Variants in ZFHX3 observed in about 807,000 individuals in gnomAD.
The protein encoded by ZFHX3 is zinc finger homeobox 3.
Under a neutral mutation model 279.1 loss-of-function variants are expected in ZFHX3, and 42 were observed. That is an observed-to-expected ratio of 0.15 (90% CI 0.12 to 0.19). The LOEUF is 0.19. Among genes scored for constraint, ZFHX3 ranks in the 10% least tolerant of loss-of-function variants. ZFHX3 has a pLI of 1.00. For synonymous variants in ZFHX3, 2,293 were observed against 1,957.8 expected (o/e 1.17, Z -4.52); for missense variants, 4,981 against 4,754.0 (o/e 1.05, Z -1.40).
rs191971223 is a variant in ZFHX3, at chr16:73,628,736, T to A, written c.-1547+51444A>T. Among the ~76,000 whole-genome samples, 212 of 152,338 alleles carry A rather than the reference T, an allele frequency of 1.4e-3. 2 individuals carry two copies. Among genetic ancestry groups the A allele is most frequent in the African/African-American group, 4.6e-3 (190 of 41,576 alleles). The stretch of plus-strand genomic sequence containing the variant: ...CCCCTATTTCTTTCCATTGCGTTTA[T>A]GTTCCTTAAATAATCTAAAATATAA... On this transcript the variant is annotated intron_variant, in intron 2 of 17. Transcript: ENST00000641206.
chr16:72,965,311 C>T (rs375784698), intron 1 of ZFHX3, among the ~76,000 whole-genome samples: 8 of 152,158 alleles, frequency 5.3e-5, no homozygotes, highest in East Asian at 3.8e-4. Flanking sequence ...TGCAAAAGAA[C>T]GCTGGCATCT....
At chr16:73,197,474 G>A (rs1282011967) in intron 5 of ZFHX3, among the ~76,000 whole-genome samples, 2 of 152,316 alleles carry the variant, frequency 1.3e-5, no homozygotes, top group South Asian at 4.1e-4. Context: ...TGTAGCAAAT[G>A]ATGAGTAAAC....
intron 1 of ZFHX3, among the ~76,000 whole-genome samples, chr16:72,994,283 A>G (rs1963198895): frequency 6.6e-6 from 1 of 152,226 alleles, no homozygotes; most frequent in African/African-American, 2.4e-5. Flanking sequence ...TGAATATTTA[A>G]GACTCAGCAT....
chr16:73,877,518 A>G (rs2029991392), intron 1 of ZFHX3, among the ~76,000 whole-genome samples: 1 of 152,194 alleles, frequency 6.6e-6, no homozygotes, highest in South Asian at 2.1e-4. Flanking sequence ...AAGCCAGTTG[A>G]TACAGATGAA....
At chr16:72,986,914 G>A (rs1280966781) in intron 1 of ZFHX3, among the ~76,000 whole-genome samples, 2 of 152,172 alleles carry the variant, frequency 1.3e-5, no homozygotes, top group African/African-American at 4.8e-5. Context: ...TGGAGGCCGA[G>A]TCAGACAGAC....
At chr16:72,846,824 G>T (rs1257018146) in intron 4 of ZFHX3, among the ~76,000 whole-genome samples, 2 of 152,200 alleles carry the variant, frequency 1.3e-5, no homozygotes. Flanking sequence ...GCAGGGGTGG[G>T]GGTAGAGCTG....
chr16:73,220,426 A>G (rs1392815461), intron 5 of ZFHX3, among the ~76,000 whole-genome samples: 1 of 152,154 alleles, frequency 6.6e-6, no homozygotes, highest in African/African-American at 2.4e-5. Context: ...TGAAATGTAA[A>G]CCAATTAAAA....
chr16:73,711,339 C>A (rs565642868), intron 1 of ZFHX3, among the ~76,000 whole-genome samples: 1 of 152,104 alleles, frequency 6.6e-6, no homozygotes, highest in Non-Finnish European at 1.5e-5. Flanking sequence ...AAAAAGAAGT[C>A]AGGATTTAAT....
Position 72,797,288 on chromosome 16 carries a change from G to A in ZFHX3, c.5394C>T (p.Phe1798=), listed in dbSNP as rs764146943. Residue 1798 remains phenylalanine (F), a synonymous_variant, in exon 9 of 10, where the codon TTC becomes TTT. Coordinates refer to ENST00000268489, the MANE Select transcript of ZFHX3 (RefSeq NM_006885.4). ...LQLQQQQHLL[F]PFYIPSAEFQ... ...ACTCAGCACTGGGGATGTAGAAAGG[G>A]AAGAGGAGGTGCTGCTGCTGCTGTA... The A allele has an allele frequency of 6.2e-7, 1 of 1,609,476 alleles. No homozygotes were observed. The highest frequency in any genetic ancestry group is 8.5e-7 in the Non-Finnish European group (1 of 1,177,182).
At chr16:73,715,668 G>A (rs1256156478) in intron 1 of ZFHX3, among the ~76,000 whole-genome samples, 1 of 150,446 alleles carries the variant, frequency 6.6e-6, no homozygotes, top group African/African-American at 2.5e-5. Context: ...TGCCTCCAGG[G>A]TTCAAGCAAT....
chr16:73,864,031 G>A (rs188404282), intron 1 of ZFHX3, among the ~76,000 whole-genome samples: 18 of 152,278 alleles, frequency 1.2e-4, no homozygotes, highest in Non-Finnish European at 2.1e-4. Context: ...GGCTTTTTAA[G>A]TTATCTCACC....
At chr16:73,701,895 TTAAG>T (rs1317912583) in intron 1 of ZFHX3, among the ~76,000 whole-genome samples, 2 of 151,988 alleles carry the variant, frequency 1.3e-5, no homozygotes, top group African/African-American at 2.4e-5. Context: ...AGAAGAAATC[TTAAG>T]TATGTGGGCG....
chr16:72,991,398 C>G (rs1364430716), intron 1 of ZFHX3, among the ~76,000 whole-genome samples: 1 of 152,146 alleles, frequency 6.6e-6, no homozygotes, highest in Admixed American at 6.5e-5. Context: ...GGACTGCTGT[C>G]GTGGCTAGGA....
chr16:72,991,675 G>C (rs1039082609), intron 1 of ZFHX3, among the ~76,000 whole-genome samples: 1 of 152,140 alleles, frequency 6.6e-6, no homozygotes, highest in Non-Finnish European at 1.5e-5. Flanking sequence ...ATCCAACAAA[G>C]GCCGTATTCT....
At chr16:73,188,357 G>A (rs1967960610) in intron 5 of ZFHX3, among the ~76,000 whole-genome samples, 1 of 152,106 alleles carries the variant, frequency 6.6e-6, no homozygotes, top group Admixed American at 6.5e-5. Flanking sequence ...ACCAGGCCTA[G>A]CCCTTAAAAG....
upstream of ZFHX3, chr16:73,061,791 A>G (rs117741886): frequency 1.3e-5 from 2 of 152,234 alleles, no homozygotes; most frequent in East Asian, 3.9e-4. Flanking sequence ...CTATGTATTT[A>G]TTTTCTTTTA....
At chr16:73,041,346 T>C (rs562039154) in intron 1 of ZFHX3, among the ~76,000 whole-genome samples, 1 of 146,910 alleles carries the variant, frequency 6.8e-6, no homozygotes, top group East Asian at 2.0e-4. Flanking sequence ...CAAATATACC[T>C]CTGGATTTCC....
intron 1 of ZFHX3, among the ~76,000 whole-genome samples, chr16:73,795,111 G>C (rs577527775): frequency 2.1e-4 from 32 of 152,276 alleles, no homozygotes; most frequent in South Asian, 2.1e-3. Flanking sequence ...TCAGTGTCAT[G>C]AGCTGCCAGC....
At chr16:73,738,157 T>C (rs113355257) in intron 1 of ZFHX3, among the ~76,000 whole-genome samples, 21 of 152,332 alleles carry the variant, frequency 1.4e-4, no homozygotes, top group African/African-American at 4.6e-4. Flanking sequence ...CCCTGTAAGT[T>C]TGGGGACCTG....
Sources: allele counts gnomAD v4.1 joint callset (sites outside exome capture counted in the v4.1 genomes callset), GRCh38; gene constraint gnomAD v4.1.1; transcripts MANE v1.5; gene names NCBI Gene and HGNC (gene_info 2026-07-23, HGNC 2026-07-21).